The following FER variants were observed in gnomAD, a reference collection of about 807,000 sequenced individuals.
The protein encoded by FER is FER tyrosine kinase.
FER carries 63 observed loss-of-function variants against 111.0 expected under a neutral mutation model. The observed-to-expected ratio is 0.57, with a 90% CI of 0.46 to 0.70. The LOEUF is 0.70. Ranked by LOEUF, FER falls within the 30% of genes least tolerant of loss-of-function variation. FER has a pLI of 0.00. For missense variants in FER, 914 were observed against 954.0 expected, an observed-to-expected ratio of 0.96 and a Z score of 0.55; for synonymous variants, 327 against 313.9, an observed-to-expected ratio of 1.04 and a Z score of -0.44.
chr5:109,003,305 A>T (rs1581602763), intron 13 of FER, among the ~76,000 whole-genome samples: 1 of 145,880 alleles, frequency 6.9e-6, no homozygotes, highest in Non-Finnish European at 1.5e-5. Flanking sequence ...TGATGAGTTC[A>T]TGTCCTTTGA....
intron 10 of FER, among the ~76,000 whole-genome samples, chr5:108,932,058 A>T (rs1253360589): frequency 6.6e-6 from 1 of 151,838 alleles, no homozygotes; most frequent in African/African-American, 2.4e-5. Context: ...GTTCTGGGAT[A>T]CATGTGCAGA....
intron 16 of FER, among the ~76,000 whole-genome samples, chr5:109,084,549 T>C (rs182372554): frequency 0.012 from 1,811 of 152,042 alleles, 17 homozygotes; most frequent in Non-Finnish European, 0.02. Flanking sequence ...GGTTTACTTA[T>C]ACTTATTTGT....
At chr5:108,763,318 G>A (rs1296559416) in intron 1 of FER, among the ~76,000 whole-genome samples, 1 of 152,190 alleles carries the variant, frequency 6.6e-6, no homozygotes, top group Non-Finnish European at 1.5e-5. Flanking sequence ...GTTTATTGCA[G>A]TAAAAGCAGT....
intron 16 of FER, among the ~76,000 whole-genome samples, chr5:109,083,182 G>C (rs887905906): frequency 2.0e-5 from 3 of 152,036 alleles, no homozygotes; most frequent in African/African-American, 4.8e-5. Flanking sequence ...CTTCACTTGA[G>C]AAAGCTCTTC....
At chr5:109,151,423 A>G (rs572690622) in intron 17 of FER, among the ~76,000 whole-genome samples, 1 of 152,264 alleles carries the variant, frequency 6.6e-6, no homozygotes, top group South Asian at 2.1e-4. Flanking sequence ...TACAAAAGCT[A>G]CAGACATACA....
At position 108,753,431 on chromosome 5, in the gene FER, A is replaced by G. The variant is rs1304794841; in HGVS notation, c.-206+5431A>G. On this transcript the variant is annotated intron_variant, in intron 1 of 19. Transcript: ENST00000281092. ...GATAATTATAAATTTACTTTAAATG[A>G]TTTTTAACTCCAAAATATCTCCAGT... 3.3e-5 allele frequency among the ~76,000 whole-genome samples: 5 copies of G among 152,200 alleles called. No homozygotes were observed. The South Asian group carries it at 6.2e-4, about 19-fold the overall frequency.
At chr5:108,754,374 T>C (rs895225793) in intron 1 of FER, among the ~76,000 whole-genome samples, 3 of 148,008 alleles carry the variant, frequency 2.0e-5, no homozygotes, top group African/African-American at 7.6e-5. Context: ...AGCACTGTGC[T>C]TCGGCCTGGG....
intron 13 of FER, among the ~76,000 whole-genome samples, chr5:108,976,510 C>T (rs185253524): frequency 6.6e-5 from 10 of 152,042 alleles, no homozygotes; most frequent in Admixed American, 6.6e-4. Flanking sequence ...TACAGTTGAC[C>T]CCCTGAACAA....
intron 13 of FER, among the ~76,000 whole-genome samples, chr5:108,970,597 G>A (rs770202813): frequency 6.6e-6 from 1 of 152,048 alleles, no homozygotes; most frequent in Non-Finnish European, 1.5e-5. Flanking sequence ...TTATATGAAG[G>A]ATTTTTAAAA....
At chr5:109,029,919 A>G (rs1211940885) in intron 13 of FER, among the ~76,000 whole-genome samples, 1 of 151,612 alleles carries the variant, frequency 6.6e-6, no homozygotes, top group Non-Finnish European at 1.5e-5. Context: ...TTTCAGCCCT[A>G]CTCTTTCTCC....
intron 5 of FER, among the ~76,000 whole-genome samples, chr5:108,861,898 A>T (rs962798723): frequency 1.3e-5 from 2 of 152,212 alleles, no homozygotes; most frequent in African/African-American, 4.8e-5. Flanking sequence ...ATCAGTAAAA[A>T]GTAACATAGA....
rs139214965 is a variant in FER, at chr5:109,162,679, A to G, written c.2049-18068A>G. ...TTGACTGTGTGGCCCCTGTTTTGCA[A>G]TCCCATGTAAAGAAATCCACAGTAA... On this transcript the variant is annotated intron_variant, in intron 17 of 19. Transcript: ENST00000281092. Among the ~76,000 whole-genome samples, 1,153 of 152,178 alleles carry G rather than the reference A, an allele frequency of 7.6e-3. 10 individuals carry two copies. The highest frequency in any genetic ancestry group is 0.027 in the African/African-American group (1,119 of 41,538).
intron 16 of FER, among the ~76,000 whole-genome samples, chr5:109,066,277 C>G (rs566218616): frequency 6.6e-6 from 1 of 152,112 alleles, no homozygotes; most frequent in South Asian, 2.1e-4. Flanking sequence ...AGGAATAAAC[C>G]CTTCCTGTAG....
intron 3 of FER, among the ~76,000 whole-genome samples, chr5:108,828,418 C>G (rs936301326): frequency 6.6e-6 from 1 of 152,170 alleles, no homozygotes; most frequent in Non-Finnish European, 1.5e-5. Flanking sequence ...GGTACTAACA[C>G]TTCTTTCCGT....
At chr5:108,894,610 T>C in intron 9 of FER, 1 of 367,632 alleles carries the variant, frequency 2.7e-6, no homozygotes, top group South Asian at 2.6e-5. Context: ...TCAAGGGACT[T>C]GAAAAAATAA....
chr5:109,107,617 A>C (rs1242546452), intron 17 of FER, among the ~76,000 whole-genome samples: 1 of 152,078 alleles, frequency 6.6e-6, no homozygotes, highest in Non-Finnish European at 1.5e-5. Flanking sequence ...CCTTTATCAT[A>C]AGGAAAGTTA....
chr5:108,831,244 AC>A (rs998140831), intron 3 of FER, among the ~76,000 whole-genome samples: 25 of 152,294 alleles, frequency 1.6e-4, no homozygotes, highest in African/African-American at 5.5e-4. Flanking sequence ...CAGCAAGAAG[AC>A]TGTCTCCTCT....
At chr5:109,149,932 G>T (rs10035284) in intron 17 of FER, among the ~76,000 whole-genome samples, 59,224 of 151,974 alleles carry the variant, frequency 0.39, 11,766 homozygotes, top group Non-Finnish European at 0.41. Flanking sequence ...GAGCTCCACC[G>T]CCTGTCAAAT....
chr5:109,160,868 A>G (rs1755913941), intron 17 of FER, among the ~76,000 whole-genome samples: 1 of 152,184 alleles, frequency 6.6e-6, no homozygotes, highest in Non-Finnish European at 1.5e-5. Context: ...ATAGACCTCT[A>G]GTACCTGAAC....
Sources: gnomAD v4.1 joint callset for allele counts (sites outside exome capture counted in the v4.1 genomes callset) on GRCh38, gnomAD v4.1.1 for gene constraint, MANE v1.5 for transcripts, NCBI Gene and HGNC (gene_info 2026-07-23, HGNC 2026-07-21) for gene names.